Variants in ESRRG observed in about 807,000 individuals in gnomAD.
ESRRG encodes estrogen related receptor gamma.
In ESRRG, 13 loss-of-function variants were observed where a neutral mutation model predicts 44.0. The ratio of observed to expected loss-of-function variants is 0.30; its 90% CI spans 0.19 to 0.47. The LOEUF (loss-of-function observed/expected upper bound fraction) is 0.47. Among genes scored for constraint, ESRRG ranks in the 20% least tolerant of loss-of-function variants. The pLI, the probability that ESRRG is intolerant of heterozygous loss-of-function variation, is 1.00. For missense variants in ESRRG, 395 were observed against 580.6 expected (o/e 0.68, Z 3.29); for synonymous variants, 215 against 214.6 (o/e 1.00, Z -0.02).
chr1:216,815,119 C>T (rs976510326), intron 2 of ESRRG, among the ~76,000 whole-genome samples: 6 of 152,128 alleles, frequency 3.9e-5, no homozygotes, highest in Admixed American at 3.9e-4. Flanking sequence ...TATTCTGGGC[C>T]AAGTGGTCTT....
At chr1:217,097,922 T>C (rs1003734080) in intron 1 of ESRRG, among the ~76,000 whole-genome samples, 10 of 151,584 alleles carry the variant, frequency 6.6e-5, no homozygotes, top group African/African-American at 2.4e-4. Context: ...TTGGAATCAC[T>C]TGGAAAGCTT....
chr1:217,133,688 TG>T (rs1198896869), intron 1 of ESRRG, among the ~76,000 whole-genome samples: 6 of 150,988 alleles, frequency 4.0e-5, no homozygotes, highest in East Asian at 1.9e-4. Flanking sequence ...TCTTTCTAAC[TG>T]TGCTTTTACT....
chr1:216,921,316 C>G (rs2061814226), intron 2 of ESRRG, among the ~76,000 whole-genome samples: 1 of 152,140 alleles, frequency 6.6e-6, no homozygotes, highest in African/African-American at 2.4e-5. Flanking sequence ...TTACTCTGCG[C>G]TCCCTCTGTG....
intron 3 of ESRRG, among the ~76,000 whole-genome samples, chr1:216,648,065 G>T (rs191267791): frequency 1.3e-5 from 2 of 152,216 alleles, no homozygotes; most frequent in East Asian, 3.9e-4. Context: ...CATTTGAATA[G>T]ATTTACTACA....
chr1:216,532,568 T>C (rs1258835234), intron 5 of ESRRG, among the ~76,000 whole-genome samples: 3 of 152,232 alleles, frequency 2.0e-5, no homozygotes, highest in Non-Finnish European at 2.9e-5. Context: ...ATGACTATTT[T>C]GTTTCCATTA....
chr1:216,822,790 A>C (rs998924594), intron 2 of ESRRG, among the ~76,000 whole-genome samples: 1 of 152,200 alleles, frequency 6.6e-6, no homozygotes, highest in Non-Finnish European at 1.5e-5. Flanking sequence ...GTAGGACTTT[A>C]CTTAGCAAAT....
At chr1:216,715,084 C>A (rs962192068) in intron 1 of ESRRG, 14 of 985,338 alleles carry the variant, frequency 1.4e-5, no homozygotes, top group African/African-American at 1.7e-5. Flanking sequence ...CTGAGCCCAA[C>A]TCCTGATGCT....
intron 1 of ESRRG, among the ~76,000 whole-genome samples, chr1:217,050,873 A>G (rs2085832736): frequency 1.3e-5 from 2 of 152,168 alleles, no homozygotes; most frequent in South Asian, 4.2e-4. Flanking sequence ...AGACCTTTCT[A>G]GGGCTCCAAA....
At chr1:216,756,072 C>T (rs1276239530) in intron 2 of ESRRG, among the ~76,000 whole-genome samples, 2 of 151,984 alleles carry the variant, frequency 1.3e-5, no homozygotes, top group African/African-American at 2.4e-5. Context: ...CTTCTTGCTG[C>T]CAGATCTTAA....
At chr1:216,925,562 C>T (rs2062433715) in intron 2 of ESRRG, among the ~76,000 whole-genome samples, 1 of 152,016 alleles carries the variant, frequency 6.6e-6, no homozygotes, top group African/African-American at 2.4e-5. Context: ...AAGAACATGC[C>T]CCTGAGGTTT....
At chr1:216,627,371 G>C (rs1037474762) in intron 3 of ESRRG, among the ~76,000 whole-genome samples, 1 of 152,004 alleles carries the variant, frequency 6.6e-6, no homozygotes, top group South Asian at 2.1e-4. Flanking sequence ...TTTTCTTTTT[G>C]GTCACATTGT....
intron 2 of ESRRG, among the ~76,000 whole-genome samples, chr1:216,842,094 C>T (rs1251820112): frequency 6.6e-6 from 1 of 152,102 alleles, no homozygotes; most frequent in Non-Finnish European, 1.5e-5. Flanking sequence ...CTTCATTATT[C>T]ATAGTAGCAA....
At chr1:217,101,140 C>A (rs1269440650) in intron 1 of ESRRG, among the ~76,000 whole-genome samples, 1 of 152,192 alleles carries the variant, frequency 6.6e-6, no homozygotes, top group Non-Finnish European at 1.5e-5. Context: ...TTTGGCCAAC[C>A]TCATGACTTC....
chr1:217,115,933 T>C (rs1465557732), intron 1 of ESRRG, among the ~76,000 whole-genome samples: 1 of 152,142 alleles, frequency 6.6e-6, no homozygotes, highest in Non-Finnish European at 1.5e-5. Flanking sequence ...CTGCTCAATA[T>C]AAAGTTGATA....
At chr1:216,638,158 A>C (rs755619460) in intron 3 of ESRRG, among the ~76,000 whole-genome samples, 8 of 152,208 alleles carry the variant, frequency 5.3e-5, no homozygotes, top group Non-Finnish European at 1.0e-4. Context: ...ATGGAATACT[A>C]AAAATTAATA....
chr1:216,841,872 C>G (rs2095658976), intron 2 of ESRRG, among the ~76,000 whole-genome samples: 1 of 151,954 alleles, frequency 6.6e-6, no homozygotes, highest in African/African-American at 2.4e-5. Flanking sequence ...AAGAAAATAT[C>G]TGGGTTTAGA....
At chr1:217,028,071 A>C (rs1359703632) in intron 1 of ESRRG, among the ~76,000 whole-genome samples, 1 of 152,080 alleles carries the variant, frequency 6.6e-6, no homozygotes, top group Non-Finnish European at 1.5e-5. Context: ...TTGGCCTTGC[A>C]TTTCCCTCTG....
At chr1:216,774,304 T>A (rs1476229826) in intron 2 of ESRRG, among the ~76,000 whole-genome samples, 1 of 152,120 alleles carries the variant, frequency 6.6e-6, no homozygotes, top group African/African-American at 2.4e-5. Flanking sequence ...TTAACCCATG[T>A]CATAAGTCTG....
chr1:216,978,409 G>A (rs571984136), intron 1 of ESRRG, among the ~76,000 whole-genome samples: 119 of 152,216 alleles, frequency 7.8e-4, no homozygotes, highest in Middle Eastern at 3.4e-3. Flanking sequence ...CCTGGCCTAA[G>A]GTACACAGAC....
Sources: gnomAD v4.1 joint callset for allele counts (sites outside exome capture counted in the v4.1 genomes callset) on GRCh38, gnomAD v4.1.1 for gene constraint, MANE v1.5 for transcripts, NCBI Gene and HGNC (gene_info 2026-07-23, HGNC 2026-07-21) for gene names.